The following ANXA4 variants were observed in gnomAD, a reference collection of about 807,000 sequenced individuals.
ANXA4 encodes annexin A4, also known as 35-beta calcimedin.
Under a neutral mutation model 49.8 loss-of-function variants are expected in ANXA4, and 39 were observed. The ratio of observed to expected loss-of-function variants is 0.78; its 90% CI spans 0.61 to 1.02. The LOEUF is 1.02. Among genes scored for constraint, ANXA4 ranks in the 50% least tolerant of loss-of-function variants. ANXA4 has a pLI of 0.00. For synonymous variants in ANXA4, 134 were observed against 152.5 expected, an observed-to-expected ratio of 0.88 and a Z score of 0.89; for missense variants, 360 against 410.1, an observed-to-expected ratio of 0.88 and a Z score of 1.05.
rs537822254 is a variant in ANXA4, at chr2:69,669,015, C to A, written n.766+15733C>A. On this transcript the variant is annotated intron_variant and non_coding_transcript_variant, in intron 2 of 3. Coordinates refer to the ANXA4 transcript ENST00000418066. ...GCAGTGGTGCGATCTCGCCTCACTG[C>A]AACCTCCGCCTCTCAGGTTCAAGTG... Among the ~76,000 whole-genome samples the A allele has an allele frequency of 5.3e-5, 8 of 151,848 alleles. No individual in the cohort carries two copies. The East Asian group carries it at 1.6e-3, about 30-fold the overall frequency.
intron 12 of ANXA4, among the ~76,000 whole-genome samples, chr2:69,822,090 G>A (rs58819073): frequency 0.23 from 34,528 of 151,882 alleles, 4,296 homozygotes; most frequent in African/African-American, 0.33. Flanking sequence ...ACCAGGCATC[G>A]TGGCTCATGC....
chr2:69,819,256 T>G, intron 10 of ANXA4, 24 bp from the exon 11 acceptor site: 1 of 1,556,842 alleles, frequency 6.4e-7, no homozygotes, highest in Non-Finnish European at 8.8e-7. Flanking sequence ...ATCTTTTCAT[T>G]TCTTCTTTTT....
chr2:69,756,962 C>G (rs1021631523), intron 1 of ANXA4, among the ~76,000 whole-genome samples: 47 of 147,472 alleles, frequency 3.2e-4, no homozygotes, highest in Non-Finnish European at 6.7e-4. Flanking sequence ...GAGTCTCACT[C>G]TGTTCCCCAG....
At chr2:69,687,925 C>G (rs1271585979) in intron 2 of ANXA4, among the ~76,000 whole-genome samples, 1 of 152,208 alleles carries the variant, frequency 6.6e-6, no homozygotes, top group Non-Finnish European at 1.5e-5. Flanking sequence ...GTATGCATCT[C>G]TAAAACATAA....
At chr2:69,792,230 T>C (rs1672724229) in intron 3 of ANXA4, among the ~76,000 whole-genome samples, 1 of 152,240 alleles carries the variant, frequency 6.6e-6, no homozygotes, top group Non-Finnish European at 1.5e-5. Flanking sequence ...CAAAAGTTTT[T>C]GTTTTTGCCA....
rs1476923804 is a variant in ANXA4 at position 69,810,693 on chromosome 2, G to C, written c.477+20G>C. 1.2e-6 allele frequency: 2 copies of C among 1,603,896 alleles called. No individual in the cohort carries two copies. The highest frequency in any genetic ancestry group is 8.5e-7 in the Non-Finnish European group (1 of 1,171,268). The stretch of plus-strand genomic sequence containing the variant: ...TCAGCTGTGAGTGACTGCTTCTGAT[G>C]GGGGGCGGGTTTTATCGAAATGTCC... On this transcript the variant is annotated intron_variant, in intron 7 of 12. Transcript: ENST00000394295.
At chr2:69,704,839 A>T (rs1204297705) in intron 2 of ANXA4, among the ~76,000 whole-genome samples, 4 of 152,094 alleles carry the variant, frequency 2.6e-5, no homozygotes, top group Non-Finnish European at 5.9e-5. Context: ...CAGATTCCTA[A>T]CATTTCTTTT....
chr2:69,807,956 C>A lies in ANXA4; in HGVS notation c.357C>A (p.Thr119=). The part of the protein sequence containing the change: ...GCLIEILASR[T]PEEIRRISQT... Reference sequence around the variant, plus strand: ...TAATTGAGATCCTGGCCTCCCGGACCCCTGAGGAGATCCGGCGCATAAGCC... The same window carrying A: ...TAATTGAGATCCTGGCCTCCCGGACACCTGAGGAGATCCGGCGCATAAGCC... The change falls in exon 6 of 13, where the codon ACC becomes ACA. Residue 119 remains threonine (T), a synonymous_variant. Transcript: ENST00000394295. 2 of 1,614,148 alleles carry A rather than the reference C, an allele frequency of 1.2e-6. No individual in the cohort carries two copies. Among genetic ancestry groups the A allele is most frequent in the Non-Finnish European group, 8.5e-7 (1 of 1,180,020 alleles).
exon 1 of ANXA4, chr2:69,644,485 T>TA (rs1224178325): frequency 2.6e-5 from 4 of 152,086 alleles, no homozygotes; most frequent in African/African-American, 7.2e-5. Context: ...GTCTCGATGT[T>TA]ATTGAGAGCC....
At chr2:69,808,092 G>C (rs1051777287) in intron 6 of ANXA4, 96 bp downstream of exon 6, 2 of 1,182,200 alleles carry the variant, frequency 1.7e-6, no homozygotes, top group African/African-American at 1.5e-5. Flanking sequence ...ACTTTTCACA[G>C]AACGCTGAGC....
intron 8 of ANXA4, among the ~76,000 whole-genome samples, chr2:69,812,932 A>G (rs545803782): frequency 1.3e-5 from 2 of 152,284 alleles, no homozygotes; most frequent in South Asian, 4.1e-4. Context: ...GTTTCTCAAC[A>G]TTAGGACCAT....
In ANXA4 at chr2:69,814,342, C is replaced by CTTTTTT. The variant is rs781253870; in HGVS notation, c.534+1649_534+1654dup. 5.3e-4 allele frequency among the ~76,000 whole-genome samples: 52 copies of CTTTTTT among 97,294 alleles called. 1 individual carries two copies. The highest frequency in any genetic ancestry group is 8.7e-4 in the African/African-American group (20 of 23,112). 63.8% of individuals were successfully genotyped at this position (97,294 alleles called of 152,430 possible). On this transcript the variant is annotated intron_variant, in intron 8 of 12. Coordinates refer to ENST00000394295, the MANE Select transcript of ANXA4 (RefSeq NM_001153.5). ...CACTTCCACTAACCTGTATTTTATT[C>CTTTTTT]TTTTTTTTTTTTTTTTTTTTTGAGA...
At chr2:69,709,981 CTTTTTT>C (rs974347199) in intron 2 of ANXA4, among the ~76,000 whole-genome samples, 152 of 97,032 alleles carry the variant, frequency 1.6e-3, no homozygotes, top group African/African-American at 4.5e-3. Flanking sequence ...CACTTCCAGG[CTTTTTT>C]TTTTTTTTTT....
chr2:69,807,404 G>A (rs1214876038), intron 5 of ANXA4, among the ~76,000 whole-genome samples: 1 of 152,150 alleles, frequency 6.6e-6, no homozygotes, highest in Admixed American at 6.6e-5. Context: ...GACCAAGTAT[G>A]TAATGCAAAT....
chr2:69,775,954 A>ATTTT (rs1394919839), intron 1 of ANXA4, among the ~76,000 whole-genome samples: 13 of 131,530 alleles, frequency 9.9e-5, no homozygotes, highest in African/African-American at 4.0e-4. Flanking sequence ...CATTTTATTT[A>ATTTT]TTTTTATTTT....
At chr2:69,806,358 A>T in intron 4 of ANXA4, 27 bp from the exon 5 acceptor site, 1 of 1,531,024 alleles carries the variant, frequency 6.5e-7, no homozygotes, top group Non-Finnish European at 9.1e-7. Context: ...TATAGCAGTT[A>T]AGCGGAGCTA....
intron 3 of ANXA4, among the ~76,000 whole-genome samples, chr2:69,732,603 A>G (rs533009267): frequency 1.3e-5 from 2 of 152,052 alleles, no homozygotes; most frequent in East Asian, 3.9e-4. Context: ...TACTAAAAAT[A>G]AAAAATTAGT....
intron 2 of ANXA4, among the ~76,000 whole-genome samples, chr2:69,665,070 T>A (rs943889695): frequency 6.6e-6 from 1 of 152,154 alleles, no homozygotes; most frequent in East Asian, 1.9e-4. Context: ...GCCACTGCAT[T>A]CTAGCCTGGG....
At chr2:69,705,030 A>C (rs1232164897) in intron 2 of ANXA4, among the ~76,000 whole-genome samples, 1 of 152,164 alleles carries the variant, frequency 6.6e-6, no homozygotes, top group Non-Finnish European at 1.5e-5. Context: ...ATGGGCCTGT[A>C]ATTCCAGGAC....
Sources: gnomAD v4.1 joint callset for allele counts (sites outside exome capture counted in the v4.1 genomes callset) on GRCh38, gnomAD v4.1.1 for gene constraint, MANE v1.5 for transcripts, NCBI Gene and HGNC (gene_info 2026-07-23, HGNC 2026-07-21) for gene names.